Variants in SGCD observed in about 807,000 individuals in gnomAD.
SGCD encodes the protein delta-sarcoglycan.
In SGCD, 18 loss-of-function variants were observed where a neutral mutation model predicts 36.6. The ratio of observed to expected loss-of-function variants is 0.49; its 90% CI spans 0.34 to 0.73. The LOEUF is 0.73. Ranked by LOEUF, SGCD falls within the 30% of genes least tolerant of loss-of-function variation. The pLI, the probability that SGCD is intolerant of heterozygous loss-of-function variation, is 0.01. For missense variants in SGCD, 387 were observed against 346.7 expected (o/e 1.12, Z -0.92); for synonymous variants, 133 against 130.6 (o/e 1.02, Z -0.12).
At position 156,435,309 on chromosome 5, in the gene SGCD, G is replaced by A. The variant is rs12515553; in HGVS notation, c.193-73292G>A. On this transcript the variant is annotated intron_variant, in intron 3 of 8. Coordinates refer to ENST00000337851, the MANE Select transcript of SGCD (RefSeq NM_000337.6). ...AAAGATTCCCTGTGTAGTTAGTGGC[G>A]TGCAACTTGTGAATTAAACATTGGA... Among the ~76,000 whole-genome samples, 233 of 152,270 alleles carry A rather than the reference G, an allele frequency of 1.5e-3. 2 individuals carry two copies. Among genetic ancestry groups the A allele is most frequent in the Middle Eastern group, 6.8e-3 (2 of 294 alleles).
At chr5:155,826,724 C>T in the SGCD span, among the ~76,000 whole-genome samples, 60 of 152,336 alleles carry the variant, frequency 3.9e-4, no homozygotes, top group African/African-American at 1.4e-3. Context: ...GTTTAGCTGT[C>T]TCTCCCTCAA....
intron 1 of SGCD, among the ~76,000 whole-genome samples, chr5:156,098,992 A>T (rs1283264251): frequency 6.6e-6 from 1 of 151,934 alleles, no homozygotes; most frequent in East Asian, 1.9e-4. Flanking sequence ...TTGTCATAAG[A>T]CTCCCATTGA....
chr5:155,749,318 A>G, the SGCD span, among the ~76,000 whole-genome samples: 4 of 152,098 alleles, frequency 2.6e-5, no homozygotes, highest in Non-Finnish European at 5.9e-5. Flanking sequence ...ACTTCATGCT[A>G]TTTACTCCTT....
In SGCD at chr5:156,424,691, G is replaced by T. The variant is rs80255672; in HGVS notation, c.192+80014G>T. Among the ~76,000 whole-genome samples, 777 of 152,176 alleles carry T rather than the reference G, an allele frequency of 5.1e-3. 7 individuals carry two copies. Among genetic ancestry groups the T allele is most frequent in the African/African-American group, 0.017 (723 of 41,530 alleles). On this transcript the variant is annotated intron_variant, in intron 3 of 8. Transcript: ENST00000337851. ...TTCACATTCAGTAATTCAAGAGGAG[G>T]ACTCAGGGCACTCAGCATATGGCTG...
intron 8 of SGCD, 75 bp from the exon 9 acceptor site, chr5:156,759,142 C>A: frequency 8.8e-7 from 1 of 1,142,006 alleles, no homozygotes; most frequent in Non-Finnish European, 1.3e-6. Flanking sequence ...TGAACATTCA[C>A]TTGCTGTTTC....
chr5:156,548,319 A>G (rs1758662009), intron 4 of SGCD, among the ~76,000 whole-genome samples: 1 of 152,166 alleles, frequency 6.6e-6, no homozygotes, highest in African/African-American at 2.4e-5. Context: ...AAAAGTATGA[A>G]ATATGGTGAG....
chr5:156,720,303 T>C (rs1467732825), intron 7 of SGCD, among the ~76,000 whole-genome samples: 1 of 152,006 alleles, frequency 6.6e-6, no homozygotes, highest in Non-Finnish European at 1.5e-5. Flanking sequence ...GTAGGACCAG[T>C]AGGAAGGTGA....
chr5:156,119,497 G>T (rs986268931), intron 2 of SGCD, among the ~76,000 whole-genome samples: 2 of 152,080 alleles, frequency 1.3e-5, no homozygotes, highest in African/African-American at 4.8e-5. Flanking sequence ...TACCTATATG[G>T]TATCTCCACG....
At chr5:156,262,839 A>G (rs1158496874) in intron 3 of SGCD, among the ~76,000 whole-genome samples, 1 of 152,016 alleles carries the variant, frequency 6.6e-6, no homozygotes, top group African/African-American at 2.4e-5. Flanking sequence ...CTCCAATTCC[A>G]TTCAGGTTGC....
At chr5:156,127,275 C>G (rs1202927229) in intron 3 of SGCD, among the ~76,000 whole-genome samples, 2 of 151,958 alleles carry the variant, frequency 1.3e-5, no homozygotes, top group African/African-American at 4.8e-5. Flanking sequence ...TAAATCTAAA[C>G]TTAAAATAGC....
chr5:155,848,587 C>T, the SGCD span, among the ~76,000 whole-genome samples: 14 of 152,168 alleles, frequency 9.2e-5, no homozygotes. Flanking sequence ...GTTCCATTCT[C>T]AGACAGATAA....
chr5:155,872,351 GCACACACACACACACACACA>G (rs3085993), intron 1 of SGCD, among the ~76,000 whole-genome samples: 4 of 144,982 alleles, frequency 2.8e-5, no homozygotes, highest in Non-Finnish European at 6.1e-5. Flanking sequence ...CTTCTCTTCA[GCACACACACACACACACACA>G]CACACACACA....
Position 156,297,492 on chromosome 5 carries a change from C to T in SGCD, c.-43-32042C>T, listed in dbSNP as rs906731289. On this transcript the variant is annotated intron_variant, in intron 3 of 9. Transcript: ENST00000517913. ...GATGAGTTCATGTCCTTTGTAGGGA[C>T]ATGGATGAAATTGGAAATCATCATT... is the stretch of plus-strand genomic sequence containing the variant. Among the ~76,000 whole-genome samples, 35 of 151,800 alleles carry T rather than the reference C, an allele frequency of 2.3e-4. 1 individual carries two copies. Among genetic ancestry groups the T allele is most frequent in the African/African-American group, 8.2e-4 (34 of 41,360 alleles).
chr5:156,352,821 G>A (rs1033104342), intron 3 of SGCD, among the ~76,000 whole-genome samples: 2 of 152,168 alleles, frequency 1.3e-5, no homozygotes, highest in African/African-American at 2.4e-5. Context: ...ACTTGCCCAA[G>A]GTCACACAGT....
chr5:156,386,030 G>C (rs763176388), intron 3 of SGCD, among the ~76,000 whole-genome samples: 1 of 152,182 alleles, frequency 6.6e-6, no homozygotes, highest in East Asian at 1.9e-4. Flanking sequence ...CTCCTATCAG[G>C]TAATGATGAC....
chr5:156,536,729 G>A (rs938966009), intron 4 of SGCD, among the ~76,000 whole-genome samples: 8 of 152,082 alleles, frequency 5.3e-5, no homozygotes, highest in African/African-American at 1.9e-4. Context: ...AAATTCTGGT[G>A]GCTCATTAAG....
chr5:156,310,580 G>A (rs1165062186), intron 3 of SGCD, among the ~76,000 whole-genome samples: 1 of 152,170 alleles, frequency 6.6e-6, no homozygotes, highest in African/African-American at 2.4e-5. Context: ...CAAGCCTTTA[G>A]TAGACTCCAA....
At chr5:155,795,042 C>T in the SGCD span, among the ~76,000 whole-genome samples, 1 of 151,976 alleles carries the variant, frequency 6.6e-6, no homozygotes, top group Non-Finnish European at 1.5e-5. Context: ...ATGGAATTAC[C>T]TCTTAAAAGT....
Position 156,759,251 on chromosome 5 carries a change from G to A in SGCD, c.734G>A (p.Arg245Lys). ...GATGCTGCGAAAATCAGGCTACCTA[G>A]ACTGCCTCATGGATCCTACACGCCT... ...KLDAAKIRLP[R>K]LPHGSYTPTG... is the part of the protein sequence containing the mutation. Residue 245 changes from arginine (R) to lysine (K), a missense_variant, in exon 9 of 9, where the codon AGA (arginine) becomes AAA (lysine). Physicochemically the swap from Arg to Lys is conservative, Grantham distance 26 (BLOSUM62 2). Coordinates refer to ENST00000337851, the MANE Select transcript of SGCD (RefSeq NM_000337.6). 1 of 1,613,804 alleles carries A rather than the reference G, an allele frequency of 6.2e-7. No individual in the cohort carries two copies. Among genetic ancestry groups the A allele is most frequent in the Non-Finnish European group, 8.5e-7 (1 of 1,179,788 alleles).
Sources: gnomAD v4.1 joint callset for allele counts (sites outside exome capture counted in the v4.1 genomes callset) on GRCh38, gnomAD v4.1.1 for gene constraint, MANE v1.5 for transcripts, NCBI Gene and HGNC (gene_info 2026-07-23, HGNC 2026-07-21) for gene names.